PIP5K1C: variants seen among roughly 807,000 people sequenced by gnomAD.
PIP5K1C encodes the protein phosphatidylinositol 4-phosphate 5-kinase type-1 gamma.
A neutral mutation model predicts 80.1 loss-of-function variants in PIP5K1C; 45 were observed. That is an observed-to-expected ratio of 0.56 (90% CI 0.44 to 0.72). The LOEUF is 0.72. Among genes scored for constraint, PIP5K1C ranks in the 30% least tolerant of loss-of-function variants. The probability of loss-of-function intolerance (pLI) is 0.00; values close to 1 mark genes in which losing one functional copy is unlikely to be tolerated. For missense variants in PIP5K1C, 753 were observed against 954.6 expected, an observed-to-expected ratio of 0.79 and a Z score of 2.78; for synonymous variants, 498 against 420.1, an observed-to-expected ratio of 1.19 and a Z score of -2.27.
intron 12 of PIP5K1C, among the ~76,000 whole-genome samples, chr19:3,643,844 G>C (rs980138477): frequency 6.6e-6 from 1 of 152,100 alleles, no homozygotes; most frequent in Non-Finnish European, 1.5e-5. Flanking sequence ...TCAGATGACA[G>C]TGGCCGTGAG....
chr19:3,640,836 A>G (rs1215634158), intron 15 of PIP5K1C, among the ~76,000 whole-genome samples: 1 of 151,442 alleles, frequency 6.6e-6, no homozygotes, highest in Non-Finnish European at 1.5e-5. Flanking sequence ...ACAGGTGTCC[A>G]CCACCACGCC....
chr19:3,633,248 G>A, intron 17 of PIP5K1C, 79 bp from the exon 18 acceptor site: 1 of 713,638 alleles, frequency 1.4e-6, no homozygotes, highest in South Asian at 1.5e-5. Context: ...TGGCTTCCTT[G>A]GGCCAACACA....
intron 12 of PIP5K1C, among the ~76,000 whole-genome samples, chr19:3,643,677 A>T (rs901049168): frequency 1.2e-4 from 6 of 52,028 alleles, no homozygotes; most frequent in East Asian, 7.4e-4. Flanking sequence ...TCCCCTCCCC[A>T]CCCCCCCTCC....
chr19:3,632,859 T>G lies in PIP5K1C; in HGVS notation c.*308A>C. 2.3e-6 allele frequency: 1 copy of G among 425,706 alleles called. No homozygotes were observed. The allele number at this position is 425,706 out of a possible 1,614,324, so 26.4% of individuals were successfully genotyped here. A position where few individuals can be genotyped will look rare whatever the true frequency, so the allele number is the denominator to read the frequency against. On this transcript the variant is annotated 3_prime_UTR_variant, in exon 18 of 18. Transcript: ENST00000335312. ...TCCCTCTGGTTGGTTTGTTTGTGTC[T>G]TTTTTGTTCTTTTCCTAAAACGGCA...
intron 1 of PIP5K1C, among the ~76,000 whole-genome samples, chr19:3,679,984 C>G (rs1252159886): frequency 6.6e-6 from 1 of 152,134 alleles, no homozygotes; most frequent in East Asian, 1.9e-4. Context: ...TTGGGGGATC[C>G]CAGCTCCTGC....
At chr19:3,699,715 C>G (rs913429910) in intron 1 of PIP5K1C, among the ~76,000 whole-genome samples, 4 of 152,210 alleles carry the variant, frequency 2.6e-5, no homozygotes, top group Non-Finnish European at 5.9e-5. Flanking sequence ...CCGTGCCCCC[C>G]GCCCAGCCCG....
At position 3,661,100 on chromosome 19, in the gene PIP5K1C, G is replaced by C; in HGVS notation, c.351-17C>G. The C allele has an allele frequency of 6.3e-7, 1 of 1,584,128 alleles. No individual in the cohort carries two copies. Among genetic ancestry groups the C allele is most frequent in the Non-Finnish European group, 8.7e-7 (1 of 1,153,086 alleles). ...CTGCCTTCGCTGTGGAGGAAGGACG[G>C]GAGGAAACCTGTGAGGGGTGGTGGG... is the stretch of plus-strand genomic sequence containing the variant. On this transcript the variant is annotated splice_polypyrimidine_tract_variant and intron_variant, in intron 4 of 17. Coordinates refer to ENST00000335312, the MANE Select transcript of PIP5K1C (RefSeq NM_012398.3).
At chr19:3,633,227 C>G (rs2033524221) in intron 17 of PIP5K1C, 58 bp from the exon 18 acceptor site, 1 of 730,748 alleles carries the variant, frequency 1.4e-6, no homozygotes, top group African/African-American at 1.7e-5. Context: ...CCCAGGCCCC[C>G]TGCCAGGGAC....
At chr19:3,665,476 T>C (rs371247013) in intron 2 of PIP5K1C, among the ~76,000 whole-genome samples, 107 of 149,794 alleles carry the variant, frequency 7.1e-4, no homozygotes, top group African/African-American at 2.6e-3. Context: ...AGGACTGAGG[T>C]GGGGGTGGGA....
At chr19:3,687,380 G>C (rs1018982934) in intron 1 of PIP5K1C, among the ~76,000 whole-genome samples, 6 of 152,066 alleles carry the variant, frequency 3.9e-5, no homozygotes, top group African/African-American at 1.4e-4. Context: ...AAGAATTTAA[G>C]AAAGAAGTCC....
chr19:3,638,824 G>A, intron 16 of PIP5K1C, 60 bp downstream of exon 16: 3 of 1,593,932 alleles, frequency 1.9e-6, no homozygotes, highest in Non-Finnish European at 2.6e-6. Flanking sequence ...ACACGGTGGA[G>A]CGTGTGTGAG....
At chr19:3,653,105 A>C (rs2074956) in intron 7 of PIP5K1C, among the ~76,000 whole-genome samples, 185 bp downstream of exon 7, 1 of 152,188 alleles carries the variant, frequency 6.6e-6, no homozygotes, top group Non-Finnish European at 1.5e-5. Context: ...GTCCGGCCAC[A>C]TTTTAGGTTA....
chr19:3,637,867 G>C lies in PIP5K1C; in HGVS notation c.1920+1017C>G. On this transcript the variant is annotated intron_variant, in intron 16 of 17. Transcript: ENST00000335312. The surrounding 1 kb of genome is among the most constrained non-coding windows in gnomAD (Gnocchi z 7.0). Reference sequence around the variant, plus strand: ...GCACGACATGGCCCCCAGGCCCCCCGTACCATCCGGAGACCAGGACGCGCA... The same window carrying C: ...GCACGACATGGCCCCCAGGCCCCCCCTACCATCCGGAGACCAGGACGCGCA... 1 of 1,535,358 alleles carries C rather than the reference G, an allele frequency of 6.5e-7. No individual in the cohort carries two copies. The highest frequency in any genetic ancestry group is 2.4e-5 in the East Asian group (1 of 40,896).
intron 1 of PIP5K1C, among the ~76,000 whole-genome samples, chr19:3,694,090 T>G (rs1363151105): frequency 6.6e-6 from 1 of 151,022 alleles, no homozygotes; most frequent in Non-Finnish European, 1.5e-5. Context: ...CGGACGCCTG[T>G]AGTCCCAGCT....
rs2034348417 is a variant in PIP5K1C, at chr19:3,648,934, G to A, written c.1128-226C>T. On this transcript the variant is annotated intron_variant, in intron 8 of 17. Coordinates refer to ENST00000335312, the MANE Select transcript of PIP5K1C (RefSeq NM_012398.3). This position sits in a 1 kb window ranked among gnomAD's most constrained non-coding sequence, Gnocchi z 4.3. Reference sequence around the variant, plus strand: ...CACTGCTGAGGAGTCCCAGCTAGGAGGCCTGGGCACATACCCCCTACACAC... The same window carrying A: ...CACTGCTGAGGAGTCCCAGCTAGGAAGCCTGGGCACATACCCCCTACACAC... Among the ~76,000 whole-genome samples the A allele has an allele frequency of 6.6e-6, 1 of 152,130 alleles. No homozygotes were observed. Among genetic ancestry groups the A allele is most frequent in the Non-Finnish European group, 1.5e-5 (1 of 68,004 alleles).
intron 1 of PIP5K1C, among the ~76,000 whole-genome samples, chr19:3,668,628 T>C (rs896435422): frequency 6.6e-5 from 10 of 152,320 alleles, no homozygotes; most frequent in African/African-American, 2.2e-4. Context: ...TGGGAAGCGA[T>C]GTCAGCGACT....
At chr19:3,653,905 G>C (rs555489245) in intron 6 of PIP5K1C, among the ~76,000 whole-genome samples, 1 of 152,210 alleles carries the variant, frequency 6.6e-6, no homozygotes, top group Non-Finnish European at 1.5e-5. Context: ...GGCTGGGCTC[G>C]CCTGTTGGGA....
chr19:3,693,118 G>A (rs1319822467), intron 1 of PIP5K1C, among the ~76,000 whole-genome samples: 3 of 152,044 alleles, frequency 2.0e-5, no homozygotes, highest in South Asian at 4.2e-4. Flanking sequence ...TCCTTAGGGG[G>A]CCTGGCCCTC....
intron 16 of PIP5K1C, among the ~76,000 whole-genome samples, chr19:3,634,002 C>G (rs1396195866): frequency 1.3e-5 from 2 of 152,112 alleles, no homozygotes; most frequent in Non-Finnish European, 2.9e-5. Context: ...CTTTTGGGAC[C>G]TGAATATATG....
Sources: allele counts gnomAD v4.1 joint callset (sites outside exome capture counted in the v4.1 genomes callset), GRCh38; gene constraint gnomAD v4.1.1; non-coding constraint Gnocchi (gnomAD v3.1); transcripts MANE v1.5; gene names NCBI Gene and HGNC (gene_info 2026-07-23, HGNC 2026-07-21).